The following EPB41L1 variants were observed in gnomAD, a reference collection of about 807,000 sequenced individuals.
EPB41L1 encodes band 4.1-like protein 1.
A neutral mutation model predicts 97.8 loss-of-function variants in EPB41L1; 29 were observed. That is an observed-to-expected ratio of 0.30 (90% CI 0.22 to 0.40). The LOEUF (loss-of-function observed/expected upper bound fraction) is 0.40, where lower values mean the gene tolerates loss of function less well. Ranked by LOEUF, EPB41L1 falls within the 10% of genes least tolerant of loss-of-function variation. The pLI is 1.00. For missense variants in EPB41L1, 812 were observed against 1,162.3 expected (o/e 0.70, Z 4.38); for synonymous variants, 383 against 459.2 (o/e 0.83, Z 2.12).
chr20:36,116,887 T>C (rs368355695), intron 2 of EPB41L1, among the ~76,000 whole-genome samples: 43 of 152,298 alleles, frequency 2.8e-4, no homozygotes, highest in African/African-American at 1.0e-3. Context: ...TGCTAGGTGC[T>C]CTCTCAGTTT....
At position 36,215,398 on chromosome 20, in the gene EPB41L1, C is replaced by T. The variant is rs2063383632; in HGVS notation, c.2268+958C>T. 4.6e-5 allele frequency among the ~76,000 whole-genome samples: 7 copies of T among 152,302 alleles called. No individual in the cohort carries two copies. In the South Asian group the frequency reaches 1.5e-3, roughly 32 times the overall value. On this transcript the variant is annotated intron_variant, in intron 17 of 21. Coordinates refer to ENST00000338074, the MANE Select transcript of EPB41L1 (RefSeq NM_012156.2). ...GCTGGGGCTGCGGTTGCAGCCACTA[C>T]TCGGGCTAGGGAAGGTAGCAGTGCT...
At chr20:36,113,870 C>T (rs6119695) in intron 2 of EPB41L1, 3,477 of 152,646 alleles carry the variant, frequency 0.023, 99 homozygotes, top group East Asian at 0.13. Context: ...TTATTCCACA[C>T]GTTCCTCAAG....
chr20:36,169,974 A>G (rs1299241522), intron 1 of EPB41L1, among the ~76,000 whole-genome samples: 1 of 152,198 alleles, frequency 6.6e-6, no homozygotes, highest in Non-Finnish European at 1.5e-5. Context: ...GGCCCAGCCT[A>G]GCCGCACAGC....
Position 36,188,425 on chromosome 20 carries a change from C to T in EPB41L1, c.952C>T (p.Arg318Cys). 6.2e-7 allele frequency: 1 copy of T among 1,613,970 alleles called. No homozygotes were observed. Among genetic ancestry groups the T allele is most frequent in the Non-Finnish European group, 8.5e-7 (1 of 1,180,010 alleles). ...LIYRDRLRIN[R>C]FAWPKILKIS... ...CTACCGGGACCGGCTGAGAATCAACCGCTTTGCCTGGCCCAAGATCCTCAA... is the reference window on the plus strand; with the variant it reads ...CTACCGGGACCGGCTGAGAATCAACTGCTTTGCCTGGCCCAAGATCCTCAA... Residue 318 changes from arginine (R) to cysteine (C), a missense_variant, in exon 9 of 22, where the codon CGC (arginine) becomes TGC (cysteine). By Grantham distance (180) the Arg-to-Cys change is radical. Transcript: ENST00000338074.
At chr20:36,184,141 A>G (rs942543924) in intron 6 of EPB41L1, among the ~76,000 whole-genome samples, 22 of 152,146 alleles carry the variant, frequency 1.4e-4, no homozygotes, top group African/African-American at 5.1e-4. Flanking sequence ...AGGCTGAGAC[A>G]GGAGAATCGC....
Position 36,206,046 on chromosome 20 carries a change from CAG to C in EPB41L1, c.1669-3440_1669-3439del. On this transcript the variant is annotated intron_variant, in intron 14 of 21. Coordinates refer to ENST00000338074, the MANE Select transcript of EPB41L1 (RefSeq NM_012156.2). This position sits in a 1 kb window ranked among gnomAD's most constrained non-coding sequence, Gnocchi z 5.5. ...TGGCCACAGAAGAAATGGTGGGAAA[CAG>C]AAGAGCAAACACCCAGCAACAAGGA... 1 of 1,289,864 alleles carries C rather than the reference CAG, an allele frequency of 7.8e-7. No homozygotes were observed. The allele number at this position is 1,289,864 out of a possible 1,614,324, so 79.9% of individuals were successfully genotyped here. A position where few individuals can be genotyped will look rare whatever the true frequency, so the allele number is the denominator to read the frequency against.
chr20:36,135,053 A>G (rs1555837892), intron 2 of EPB41L1, among the ~76,000 whole-genome samples: 33 of 151,714 alleles, frequency 2.2e-4, no homozygotes, highest in Non-Finnish European at 1.9e-4. Flanking sequence ...TAGTAGAGAC[A>G]GGGTTTTGCA....
Position 36,197,988 on chromosome 20 carries a change from C to A in EPB41L1, c.1615C>A (p.Pro539Thr), listed in dbSNP as rs543807039. 2.5e-6 allele frequency: 4 copies of A among 1,613,948 alleles called. No individual in the cohort carries two copies. The South Asian group carries it at 4.4e-5, about 18-fold the overall frequency. ...AGACTGGGAACGGGAGCGCAGGCTG[C>A]CCTCCTCCCCCGCCTCCCCCTCCCC... ...DRDWERERRL[P>T]SSPASPSPKG... The change falls in exon 14 of 22, where the codon CCC (proline) becomes ACC (threonine). Residue 539 changes from proline to threonine, a missense_variant. Physicochemically the swap from Pro to Thr is conservative, Grantham distance 38. Around this residue, in one of 3 missense-constraint regions of EPB41L1, gnomAD observed 498 missense variants for 622.7 expected, o/e 0.80. Coordinates refer to ENST00000338074, the MANE Select transcript of EPB41L1 (RefSeq NM_012156.2).
In EPB41L1 at chr20:36,231,319, C is replaced by A. The variant is rs559681888; in HGVS notation, c.*1979C>A. Reference sequence around the variant, plus strand: ...AAATGTCCCACTGCACTGCGAATTTCTCAGTTCCATTTTACCTCCCAGTCC... The same window carrying A: ...AAATGTCCCACTGCACTGCGAATTTATCAGTTCCATTTTACCTCCCAGTCC... On this transcript the variant is annotated 3_prime_UTR_variant, in exon 22 of 22. Coordinates refer to ENST00000338074, the MANE Select transcript of EPB41L1 (RefSeq NM_012156.2). 1 of 152,390 alleles carries A rather than the reference C, an allele frequency of 6.6e-6. No homozygotes were observed. The highest frequency in any genetic ancestry group is 1.9e-4 in the East Asian group (1 of 5,192). The allele number at this position is 152,390 out of a possible 1,614,324, so 9.4% of individuals were successfully genotyped here.
intron 2 of EPB41L1, among the ~76,000 whole-genome samples, chr20:36,149,522 G>C (rs1343289493): frequency 1.3e-5 from 2 of 152,182 alleles, no homozygotes; most frequent in African/African-American, 4.8e-5. Context: ...GCAGCTGGAG[G>C]GGGGAGGTCC....
At chr20:36,213,386 CAG>C (rs1365100114) in intron 16 of EPB41L1, among the ~76,000 whole-genome samples, 1 of 151,654 alleles carries the variant, frequency 6.6e-6, no homozygotes, top group African/African-American at 2.4e-5. Flanking sequence ...GCTTGGGTGA[CAG>C]GGAAAAAAAG....
chr20:36,185,188 C>G lies in EPB41L1; in HGVS notation c.638C>G (p.Ala213Gly), dbSNP rs753653225. The G allele has an allele frequency of 1.9e-6, 3 of 1,613,362 alleles. No homozygotes were observed. The highest frequency in any genetic ancestry group is 2.5e-6 in the Non-Finnish European group (3 of 1,180,052). The change falls in exon 7 of 22, where the codon GCC (alanine) becomes GGC (glycine). Residue 213 changes from alanine (A) to glycine (G), a missense_variant. Physicochemically the swap from Ala to Gly is moderately conservative, Grantham distance 60. Transcript: ENST00000338074. ...CTGCCATGCTCCTTTGTCACGCATG[C>G]CCTACTGGGCTCCTACGCTGTGCAG... ...GRLPCSFVTH[A>G]LLGSYAVQAE...
At chr20:36,184,301 C>T (rs1303950008) in intron 6 of EPB41L1, among the ~76,000 whole-genome samples, 1 of 151,730 alleles carries the variant, frequency 6.6e-6, no homozygotes, top group African/African-American at 2.4e-5. Flanking sequence ...CAAAAATGGA[C>T]AGGGAGGCAT....
At chr20:36,127,549 C>T (rs1179240278) in intron 2 of EPB41L1, among the ~76,000 whole-genome samples, 2 of 152,126 alleles carry the variant, frequency 1.3e-5, no homozygotes, top group African/African-American at 4.8e-5. Context: ...AGCATCTGCC[C>T]CAGGCCTTTC....
At chr20:36,219,739 G>T (rs372268817) in intron 18 of EPB41L1, 22 bp from the exon 19 acceptor site, 13 of 1,609,244 alleles carry the variant, frequency 8.1e-6, no homozygotes, top group Middle Eastern at 1.6e-4. Context: ...CACCCTGGGT[G>T]GGGGGTGGTT....
chr20:36,183,813 A>G (rs187222390), intron 6 of EPB41L1, among the ~76,000 whole-genome samples: 6 of 152,312 alleles, frequency 3.9e-5, no homozygotes, highest in Non-Finnish European at 7.3e-5. Flanking sequence ...TTGAGCTGCT[A>G]CTGATTCTGA....
rs191149266 is a variant in EPB41L1 at position 36,155,032 on chromosome 20, G to A, written c.-15+136G>A. On this transcript the variant is annotated intron_variant, in intron 1 of 21. Transcript: ENST00000338074. ...GGCTGTTGGTCCCCTGGCCAGTGTG[G>A]GGGAGGGTCTCGCTGTTCCTCCCTA... The A allele has an allele frequency of 2.4e-4, 197 of 836,248 alleles. 2 individuals carry two copies. In the Admixed American group the frequency reaches 5.2e-3, roughly 22 times the overall value. The allele number at this position is 836,248 out of a possible 1,614,324, so 51.8% of individuals were successfully genotyped here.
chr20:36,222,065 T>C (rs1265272603), intron 20 of EPB41L1, 121 bp downstream of exon 20: 2 of 1,170,770 alleles, frequency 1.7e-6, no homozygotes, highest in Non-Finnish European at 2.6e-6. Flanking sequence ...TTGCTGACCC[T>C]GTTCAGATAA....
intron 1 of EPB41L1, among the ~76,000 whole-genome samples, chr20:36,163,364 T>C (rs2060610035): frequency 6.6e-6 from 1 of 152,170 alleles, no homozygotes; most frequent in Non-Finnish European, 1.5e-5. Context: ...TCTGATTCCA[T>C]TTTCACAGTA....
Sources: gnomAD v4.1 joint callset for allele counts (sites outside exome capture counted in the v4.1 genomes callset) on GRCh38, gnomAD v4.1.1 for gene constraint, gnomAD v4.1.1 regional missense constraint, Gnocchi (gnomAD v3.1) non-coding constraint, MANE v1.5 for transcripts, NCBI Gene and HGNC (gene_info 2026-07-23, HGNC 2026-07-21) for gene names.